AMIGO3: variants seen among roughly 807,000 people sequenced by gnomAD.
AMIGO3 encodes the protein amphoterin-induced protein 3.
In AMIGO3, 6 loss-of-function variants were observed where a neutral mutation model predicts 4.3. The observed-to-expected ratio is 1.39, with a 90% CI of 0.76 to 2.75. AMIGO3 has a LOEUF of 2.75. Ranked by LOEUF, AMIGO3 falls within the 30% of genes most tolerant of loss-of-function variation. AMIGO3 has a pLI of 0.00. For missense variants in AMIGO3, 771 were observed against 692.1 expected (o/e 1.11, Z -1.28); for synonymous variants, 315 against 320.0 (o/e 0.98, Z 0.17).
chr3:49,718,818 C>G lies in AMIGO3; in HGVS notation c.648G>C (p.Leu216Phe). 6.2e-7 allele frequency: 1 copy of G among 1,613,358 alleles called. No homozygotes were observed. Among genetic ancestry groups the G allele is most frequent in the African/African-American group, 1.3e-5 (1 of 75,070 alleles). ...AGTCGCAAGGCAAAGGGTTGTTGTG[C>G]AAGTAGAGGCCGTTCTTGAGGAAGG... is the stretch of plus-strand genomic sequence containing the variant. ...LPAFLKNGLY[L>F]HNNPLPCDCR... Residue 216 changes from leucine to phenylalanine, a missense_variant, in exon 1 of 1, where the codon TTG becomes TTC. Leu to Phe is a conservative substitution (Grantham distance 22, BLOSUM62 0). Transcript: ENST00000320431.
rs755271766 is a variant in AMIGO3 at position 49,718,111 on chromosome 3, T to C, written c.1355A>G (p.Lys452Arg). The C allele has an allele frequency of 1.9e-6, 3 of 1,613,570 alleles. No individual in the cohort carries two copies. Among genetic ancestry groups the C allele is most frequent in the Non-Finnish European group, 2.5e-6 (3 of 1,180,044 alleles). The change falls in exon 1 of 1, where the codon AAG becomes AGG. Residue 452 changes from lysine (K) to arginine (R), a missense_variant. By Grantham distance (26) the Lys-to-Arg change is conservative. Coordinates refer to ENST00000320431, the MANE Select transcript of AMIGO3 (RefSeq NM_198722.3). Reference sequence around the variant, plus strand: ...GCCTGGCTCCAGAAAGACTACGTGCTTGTGGACGCTGGCCTTGCGGCTGGG... The same window carrying C: ...GCCTGGCTCCAGAAAGACTACGTGCCTGTGGACGCTGGCCTTGCGGCTGGG... ...DAPSRKASVH[K>R]HVVFLEPGRR...
Position 49,719,613 on chromosome 3 carries a change from CT to C in AMIGO3, c.-149del. Reference sequence around the variant, plus strand: ...GGTTCTTGCCAGCCGACGGCCCCTACTCTCCGGTTCCCAGGTTGTGAGGCGG... The same window carrying C: ...GGTTCTTGCCAGCCGACGGCCCCTACCTCCGGTTCCCAGGTTGTGAGGCGG... On this transcript the variant is annotated 5_prime_UTR_variant, in exon 1 of 1. Transcript: ENST00000320431. 1 of 664,176 alleles carries C rather than the reference CT, an allele frequency of 1.5e-6. No homozygotes were observed. Among genetic ancestry groups the C allele is most frequent in the Non-Finnish European group, 2.6e-6 (1 of 388,070 alleles). The allele number at this position is 664,176 out of a possible 1,614,324, so 41.1% of individuals were successfully genotyped here.
At position 49,718,048 on chromosome 3, in the gene AMIGO3, G is replaced by A. The variant is rs140027250; in HGVS notation, c.1418C>T (p.Ala473Val). Residue 473 changes from alanine (A) to valine (V), a missense_variant, in exon 1 of 1, where the codon GCT (alanine) becomes GTT (valine). Physicochemically the swap from Ala to Val is moderately conservative, Grantham distance 64. Transcript: ENST00000320431. Reference protein sequence around the residue: ...GLNGRVQLAVAEEFDLYNPGG... With the variant: ...GLNGRVQLAVVEEFDLYNPGG... Reference sequence around the variant, plus strand: ...AGGGTTGTAGAGATCGAATTCCTCAGCTACTGCCAGCTGCACGCGGCCATT... The same window carrying A: ...AGGGTTGTAGAGATCGAATTCCTCAACTACTGCCAGCTGCACGCGGCCATT... 1.4e-3 allele frequency: 2,334 copies of A among 1,613,656 alleles called. 1 individual carries two copies. The highest frequency in any genetic ancestry group is 1.8e-3 in the Non-Finnish European group (2,082 of 1,180,042).
At position 49,718,682 on chromosome 3, in the gene AMIGO3, G is replaced by GCA. The variant is rs1360841931; in HGVS notation, c.782_783dup (p.Arg262CysfsTer21). ...AAGACGCGGCTGTGCTGGAAGAAGC[G>GCA]CACGCGGGACGCGGGTACCTTGAAG... On this transcript the variant is annotated frameshift_variant, in exon 1 of 1. Transcript: ENST00000320431. LOFTEE classifies it low-confidence loss of function (END_TRUNC). 6.2e-7 allele frequency: 1 copy of GCA among 1,613,012 alleles called. No homozygotes were observed. The highest frequency in any genetic ancestry group is 1.1e-5 in the South Asian group (1 of 91,080).
rs375706823 is a variant in AMIGO3 at position 49,718,676 on chromosome 3, A to G, written c.790T>C (p.Phe264Leu). The G allele has an allele frequency of 4.3e-6, 7 of 1,612,900 alleles. No individual in the cohort carries two copies. In the African/African-American group the frequency reaches 8.0e-5, roughly 18 times the overall value. Residue 264 changes from phenylalanine to leucine, a missense_variant, in exon 1 of 1, where the codon TTC (phenylalanine) becomes CTC (leucine). Transcript: ENST00000320431. The part of the protein sequence containing the change: ...FKVPASRVRF[F>L]QHSRVFENCS... ...TTCTCAAAGACGCGGCTGTGCTGGAAGAAGCGCACGCGGGACGCGGGTACC... is the reference window on the plus strand; with the variant it reads ...TTCTCAAAGACGCGGCTGTGCTGGAGGAAGCGCACGCGGGACGCGGGTACC...
chr3:49,719,119 A>C lies in AMIGO3; in HGVS notation c.347T>G (p.Leu116Arg). Reference sequence around the variant, plus strand: ...AAGCGCCCGCAACGTGTTAGATGATAGATCGAGCAGCCTCAGGCCGCTGGC... The same window carrying C: ...AAGCGCCCGCAACGTGTTAGATGATCGATCGAGCAGCCTCAGGCCGCTGGC... Reference protein sequence around the residue: ...VNASGLRLLDLSSNTLRALGR... With the variant: ...VNASGLRLLDRSSNTLRALGR... The change falls in exon 1 of 1, where the codon CTA becomes CGA. Residue 116 changes from leucine to arginine, a missense_variant. Transcript: ENST00000320431. The C allele has an allele frequency of 6.2e-7, 1 of 1,613,564 alleles. No homozygotes were observed. Among genetic ancestry groups the C allele is most frequent in the Middle Eastern group, 1.6e-4 (1 of 6,062 alleles).
In AMIGO3 at chr3:49,718,553, G is replaced by A; in HGVS notation, c.913C>T (p.Pro305Ser). The A allele has an allele frequency of 1.2e-6, 2 of 1,613,170 alleles. No homozygotes were observed. Among genetic ancestry groups the A allele is most frequent in the Non-Finnish European group, 8.5e-7 (1 of 1,179,956 alleles). Residue 305 changes from proline to serine, a missense_variant, in exon 1 of 1, where the codon CCG (proline) becomes TCG (serine). Transcript: ENST00000320431. ...SLRLYCNTSVPAMRIAWVSPQ... is the reference protein window; with the variant it reads ...SLRLYCNTSVSAMRIAWVSPQ... ...GAAACCCAGGCAATGCGCATGGCCGGGACGCTGGTGTTGCAGTAAAGCCTC... is the reference window on the plus strand; with the variant it reads ...GAAACCCAGGCAATGCGCATGGCCGAGACGCTGGTGTTGCAGTAAAGCCTC...
rs776510707 is a variant in AMIGO3, at chr3:49,717,909, C to G, written c.*42G>C. On this transcript the variant is annotated 3_prime_UTR_variant, in exon 1 of 1. Transcript: ENST00000320431. ...GGACCGAAGCAGGGAGCAGGGCGAG[C>G]AGCAAGAGGGTGGGGGCCTGGGTGG... 2 of 1,575,098 alleles carry G rather than the reference C, an allele frequency of 1.3e-6. No individual in the cohort carries two copies. The highest frequency in any genetic ancestry group is 1.4e-5 in the African/African-American group (1 of 74,032).
rs201540431 is a variant in AMIGO3 at position 49,719,018 on chromosome 3, C to T, written c.448G>A (p.Glu150Lys). 121 of 1,613,750 alleles carry T rather than the reference C, an allele frequency of 7.5e-5. No individual in the cohort carries two copies. Among genetic ancestry groups the T allele is most frequent in the Non-Finnish European group, 1.0e-4 (118 of 1,180,044 alleles). Residue 150 changes from glutamate to lysine, a missense_variant, in exon 1 of 1, where the codon GAG becomes AAG. Transcript: ENST00000320431. ...LFNNRLVHLDEHAFHGLRALS... is the reference protein window; with the variant it reads ...LFNNRLVHLDKHAFHGLRALS... The stretch of plus-strand genomic sequence containing the variant: ...GCGCGCAGGCCGTGGAAGGCATGCT[C>T]GTCCAAGTGCACCAAGCGGTTATTG...
At position 49,718,174 on chromosome 3, in the gene AMIGO3, G is replaced by C; in HGVS notation, c.1292C>G (p.Ala431Gly). Reference protein sequence around the residue: ...QTPSPLQELSAQSSVLSTTPP... With the variant: ...QTPSPLQELSGQSSVLSTTPP... ...TGTGGTGCTGAGTACTGAGGACTGTGCGCTCAGCTCTTGGAGCGGGCTGGG... is the reference window on the plus strand; with the variant it reads ...TGTGGTGCTGAGTACTGAGGACTGTCCGCTCAGCTCTTGGAGCGGGCTGGG... The change falls in exon 1 of 1, where the codon GCA becomes GGA. Residue 431 changes from alanine to glycine, a missense_variant. Physicochemically the swap from Ala to Gly is moderately conservative, Grantham distance 60. Transcript: ENST00000320431. 1 of 1,613,148 alleles carries C rather than the reference G, an allele frequency of 6.2e-7. No individual in the cohort carries two copies.
Position 49,718,214 on chromosome 3 carries a change from G to T in AMIGO3, c.1252C>A (p.Arg418Ser), listed in dbSNP as rs755181749. ...AGCGGGCTGGGTGTTTGGGGCCAGC[G>T]GCGGCAGCGGCAGGCACGGCGGCAG... is the stretch of plus-strand genomic sequence containing the variant. ...RCCRRACRCR[R>S]WPQTPSPLQE... The change falls in exon 1 of 1, where the codon CGC becomes AGC. Residue 418 changes from arginine (R) to serine (S), a missense_variant. Physicochemically the swap from Arg to Ser is moderately radical, Grantham distance 110. Transcript: ENST00000320431. The T allele has an allele frequency of 1.9e-6, 3 of 1,610,634 alleles. No individual in the cohort carries two copies. The highest frequency in any genetic ancestry group is 1.1e-5 in the South Asian group (1 of 89,574).
At position 49,718,763 on chromosome 3, in the gene AMIGO3, G is replaced by T; in HGVS notation, c.703C>A (p.His235Asn). 1.9e-6 allele frequency: 3 copies of T among 1,613,276 alleles called. No homozygotes were observed. The highest frequency in any genetic ancestry group is 2.5e-6 in the Non-Finnish European group (3 of 1,180,016). The change falls in exon 1 of 1, where the codon CAC becomes AAC. Residue 235 changes from histidine to asparagine, a missense_variant. His to Asn is a moderately conservative substitution (Grantham distance 68). Transcript: ENST00000320431. The stretch of plus-strand genomic sequence containing the variant: ...CGCACGGCGCTCAGGCCCCGCTGGT[G>T]CCAGCGCTGTAGCAGGTGGTAGAGG... ...CRLYHLLQRW[H>N]QRGLSAVRDF...
At position 49,718,767 on chromosome 3, in the gene AMIGO3, G is replaced by A; in HGVS notation, c.699C>T (p.Arg233=). 1 of 1,613,302 alleles carries A rather than the reference G, an allele frequency of 6.2e-7. No homozygotes were observed. Among genetic ancestry groups the A allele is most frequent in the Non-Finnish European group, 8.5e-7 (1 of 1,180,020 alleles). ...CDCRLYHLLQ[R]WHQRGLSAVR... ...CGGCGCTCAGGCCCCGCTGGTGCCA[G>A]CGCTGTAGCAGGTGGTAGAGGCGGC... Residue 233 remains arginine, a synonymous_variant, in exon 1 of 1, where the codon CGC becomes CGT. Coordinates refer to ENST00000320431, the MANE Select transcript of AMIGO3 (RefSeq NM_198722.3).
Position 49,719,680 on chromosome 3 carries a change from C to G in AMIGO3, c.-215G>C. The G allele has an allele frequency of 3.6e-6, 2 of 552,230 alleles. No individual in the cohort carries two copies. The highest frequency in any genetic ancestry group is 6.5e-6 in the Non-Finnish European group (2 of 305,860). The allele number at this position is 552,230 out of a possible 1,614,324, so 34.2% of individuals were successfully genotyped here. A position where few individuals can be genotyped will look rare whatever the true frequency, so the allele number is the denominator to read the frequency against. ...CGCGCTCCCTTCGGCTTCGCTAGCC[C>G]TCTCCAAGCGAGTTCCTGATCGGCT... On this transcript the variant is annotated 5_prime_UTR_variant, in exon 1 of 1. Coordinates refer to ENST00000320431, the MANE Select transcript of AMIGO3 (RefSeq NM_198722.3).
chr3:49,718,180 A>T lies in AMIGO3; in HGVS notation c.1286T>A (p.Leu429Gln), dbSNP rs1394058096. ...GCTGAGTACTGAGGACTGTGCGCTC[A>T]GCTCTTGGAGCGGGCTGGGTGTTTG... ...WPQTPSPLQE[L>Q]SAQSSVLSTT... Residue 429 changes from leucine (L) to glutamine (Q), a missense_variant, in exon 1 of 1, where the codon CTG (leucine) becomes CAG (glutamine). Leu to Gln is a moderately radical substitution (Grantham distance 113, BLOSUM62 -2). Coordinates refer to ENST00000320431, the MANE Select transcript of AMIGO3 (RefSeq NM_198722.3). 9 of 1,612,990 alleles carry T rather than the reference A, an allele frequency of 5.6e-6. No individual in the cohort carries two copies. Among genetic ancestry groups the T allele is most frequent in the Non-Finnish European group, 7.6e-6 (9 of 1,179,996 alleles).
At position 49,718,368 on chromosome 3, in the gene AMIGO3, C is replaced by G; in HGVS notation, c.1098G>C (p.Glu366Asp). The change falls in exon 1 of 1, where the codon GAG becomes GAC. Residue 366 changes from glutamate to aspartate, a missense_variant. By Grantham distance (45) the Glu-to-Asp change is conservative (BLOSUM62 2). Coordinates refer to ENST00000320431, the MANE Select transcript of AMIGO3 (RefSeq NM_198722.3). ...GCGGAAAGTGCACGCTCACGTTGTA[C>G]TCGTGCGTCTGGTTGTGGTGCAGGC... The part of the protein sequence containing the change: ...GPRLHHNQTH[E>D]YNVSVHFPRP... 1 of 1,613,404 alleles carries G rather than the reference C, an allele frequency of 6.2e-7. No homozygotes were observed. Among genetic ancestry groups the G allele is most frequent in the Non-Finnish European group, 8.5e-7 (1 of 1,179,960 alleles).
In AMIGO3 at chr3:49,717,811, T is replaced by A. The variant is rs1313000598; in HGVS notation, c.*140A>T. 1.1e-6 allele frequency: 1 copy of A among 878,252 alleles called. No individual in the cohort carries two copies. Among genetic ancestry groups the A allele is most frequent in the African/African-American group, 1.7e-5 (1 of 59,672 alleles). The allele number at this position is 878,252 out of a possible 1,614,324, so 54.4% of individuals were successfully genotyped here. ...CTCTACCAGTGAGCGAGAAGGCCCATTGTGTTTCGAGGCCCATACAGGAAG... is the reference window on the plus strand; with the variant it reads ...CTCTACCAGTGAGCGAGAAGGCCCAATGTGTTTCGAGGCCCATACAGGAAG... On this transcript the variant is annotated 3_prime_UTR_variant, in exon 1 of 1. Coordinates refer to ENST00000320431, the MANE Select transcript of AMIGO3 (RefSeq NM_198722.3).
chr3:49,719,140 C>T lies in AMIGO3; in HGVS notation c.326G>A (p.Ser109Asn), dbSNP rs1271849310. The change falls in exon 1 of 1, where the codon AGC (serine) becomes AAC (asparagine). Residue 109 changes from serine to asparagine, a missense_variant. Ser to Asn is a conservative substitution (Grantham distance 46, BLOSUM62 1). Transcript: ENST00000320431. ...TGATAGATCGAGCAGCCTCAGGCCGCTGGCGTTGACGAAGACGCCGCGACC... is the reference window on the plus strand; with the variant it reads ...TGATAGATCGAGCAGCCTCAGGCCGTTGGCGTTGACGAAGACGCCGCGACC... ...ALGRGVFVNA[S>N]GLRLLDLSSN... 6.2e-7 allele frequency: 1 copy of T among 1,613,612 alleles called. No individual in the cohort carries two copies. Among genetic ancestry groups the T allele is most frequent in the Admixed American group, 1.7e-5 (1 of 60,028 alleles).
chr3:49,719,446 A>G lies in AMIGO3; in HGVS notation c.20T>C (p.Leu7Pro). 1.9e-6 allele frequency: 3 copies of G among 1,613,096 alleles called. No homozygotes were observed. The highest frequency in any genetic ancestry group is 2.5e-6 in the Non-Finnish European group (3 of 1,179,800). MTWLVLLGTLLCMLRVG... is the reference protein window; with the variant it reads MTWLVLPGTLLCMLRVG... Reference sequence around the variant, plus strand: ...GCGCAGCATGCAGAGCAGTGTCCCCAGCAGCACCAACCAGGTCATGGCGGC... The same window carrying G: ...GCGCAGCATGCAGAGCAGTGTCCCCGGCAGCACCAACCAGGTCATGGCGGC... The change falls in exon 1 of 1, where the codon CTG (leucine) becomes CCG (proline). Residue 7 changes from leucine (L) to proline (P), a missense_variant. Coordinates refer to ENST00000320431, the MANE Select transcript of AMIGO3 (RefSeq NM_198722.3).
Sources: gnomAD v4.1 joint callset for allele counts on GRCh38, gnomAD v4.1.1 for gene constraint, MANE v1.5 for transcripts, NCBI Gene and HGNC (gene_info 2026-07-23, HGNC 2026-07-21) for gene names.